Variants in CWF19L2 observed in about 807,000 individuals in gnomAD.
CWF19L2 encodes CWF19 like cell cycle control factor 2.
A neutral mutation model predicts 111.7 loss-of-function variants in CWF19L2; 98 were observed. That is an observed-to-expected ratio of 0.88 (90% CI 0.75 to 1.04). The LOEUF is 1.04. CWF19L2 is among the 50% of genes least tolerant of loss of function. The probability of loss-of-function intolerance (pLI) is 0.00; values close to 1 mark genes in which losing one functional copy is unlikely to be tolerated. For missense variants in CWF19L2, 1,101 were observed against 1,051.4 expected (o/e 1.05, Z -0.65); for synonymous variants, 351 against 342.9 (o/e 1.02, Z -0.26).
intron 3 of CWF19L2, among the ~76,000 whole-genome samples, chr11:107,444,102 T>G (rs1436680372): frequency 6.6e-6 from 1 of 151,982 alleles, no homozygotes; most frequent in Non-Finnish European, 1.5e-5. Context: ...CACCCTTTTT[T>G]TTTTTTTTTT....
chr11:107,396,658 C>T (rs76844404), intron 10 of CWF19L2, among the ~76,000 whole-genome samples: 1,942 of 152,180 alleles, frequency 0.013, 23 homozygotes, highest in South Asian at 0.038. Context: ...TTCAAGAGAC[C>T]GTGGCAGACA....
chr11:107,414,667 C>T (rs1359937160), intron 10 of CWF19L2, among the ~76,000 whole-genome samples: 1 of 152,096 alleles, frequency 6.6e-6, no homozygotes, highest in Admixed American at 6.6e-5. Context: ...CCTATTCTTC[C>T]TTTTTCTTCC....
intron 12 of CWF19L2, among the ~76,000 whole-genome samples, chr11:107,362,817 G>T (rs1000613096): frequency 2.0e-5 from 3 of 151,918 alleles, no homozygotes; most frequent in African/African-American, 7.3e-5. Context: ...AACAAAGCTG[G>T]ATGGAGAATG....
intron 7 of CWF19L2, among the ~76,000 whole-genome samples, chr11:107,432,863 ACAGT>A (rs1436512939): frequency 6.6e-6 from 1 of 152,220 alleles, no homozygotes; most frequent in East Asian, 1.9e-4. Flanking sequence ...TTGGGCATAG[ACAGT>A]CAGCACAGTG....
At chr11:107,394,014 C>T (rs558283676) in intron 10 of CWF19L2, among the ~76,000 whole-genome samples, 4 of 152,154 alleles carry the variant, frequency 2.6e-5, no homozygotes, top group African/African-American at 7.2e-5. Context: ...TATGCAACCC[C>T]TGAATCTATT....
Position 107,457,708 on chromosome 11 carries a change from G to T in CWF19L2, c.105+4C>A, listed in dbSNP as rs1421628895. ...TAACTACAAAAGCCCCAAAACAGAGGTACCTGGCGCAACACCTCGGCCCTG... is the reference window on the plus strand; with the variant it reads ...TAACTACAAAAGCCCCAAAACAGAGTTACCTGGCGCAACACCTCGGCCCTG... On this transcript the variant is annotated splice_donor_region_variant and intron_variant, in intron 1 of 17. Coordinates refer to ENST00000282251, the MANE Select transcript of CWF19L2 (RefSeq NM_152434.3). 4 of 1,548,096 alleles carry T rather than the reference G, an allele frequency of 2.6e-6. No homozygotes were observed. The highest frequency in any genetic ancestry group is 1.7e-4 in the Middle Eastern group (1 of 5,988).
chr11:107,346,406 A>G (rs1021448023), intron 14 of CWF19L2, among the ~76,000 whole-genome samples: 4 of 152,186 alleles, frequency 2.6e-5, no homozygotes, highest in African/African-American at 7.2e-5. Flanking sequence ...AGAAAACACA[A>G]TGACAAATCA....
rs1341957647 is a variant in CWF19L2, at chr11:107,329,968, A to G, written c.2491T>C (p.Phe831Leu). ...TGCTGATCTTCAATGACATGGGCAAACCCTCCGTGAAGGCCAAAATCCACA... is the reference window on the plus strand; with the variant it reads ...TGCTGATCTTCAATGACATGGGCAAGCCCTCCGTGAAGGCCAAAATCCACA... ...FSVDFGLHGG[F>L]AHVIEDQHKF... The change falls in exon 17 of 18, where the codon TTT (phenylalanine) becomes CTT (leucine). Residue 831 changes from phenylalanine (F) to leucine (L), a missense_variant. Transcript: ENST00000282251. The G allele has an allele frequency of 1.3e-6, 2 of 1,591,640 alleles. No individual in the cohort carries two copies. Among genetic ancestry groups the G allele is most frequent in the East Asian group, 2.3e-5 (1 of 44,138 alleles).
At chr11:107,373,701 A>C (rs1185625379) in intron 12 of CWF19L2, among the ~76,000 whole-genome samples, 3 of 132,970 alleles carry the variant, frequency 2.3e-5, no homozygotes, top group African/African-American at 9.0e-5. Context: ...GAAACTCTAA[A>C]AAGCAGAGCG....
At chr11:107,351,838 G>C (rs559766043) in intron 13 of CWF19L2, among the ~76,000 whole-genome samples, 1 of 152,270 alleles carries the variant, frequency 6.6e-6, no homozygotes, top group South Asian at 2.1e-4. Flanking sequence ...AATTCTGTTG[G>C]AACAAGCCTA....
At chr11:107,452,382 G>GA (rs899549739) in intron 3 of CWF19L2, among the ~76,000 whole-genome samples, 4 of 150,554 alleles carry the variant, frequency 2.7e-5, no homozygotes, top group Admixed American at 1.3e-4. Flanking sequence ...AGCACTTCCA[G>GA]AAAACAAAAT....
At chr11:107,404,047 C>G in intron 10 of CWF19L2, 1 of 769,932 alleles carries the variant, frequency 1.3e-6, no homozygotes, top group Admixed American at 1.7e-5. Context: ...AACCCATCAT[C>G]ATAATCATCT....
At chr11:107,412,018 T>C (rs1276447267) in intron 10 of CWF19L2, among the ~76,000 whole-genome samples, 2 of 152,142 alleles carry the variant, frequency 1.3e-5, no homozygotes, top group Non-Finnish European at 2.9e-5. Context: ...ACTACAGTTG[T>C]CTGAAATGAA....
At chr11:107,387,561 A>G (rs1332271129) in intron 12 of CWF19L2, among the ~76,000 whole-genome samples, 1 of 151,976 alleles carries the variant, frequency 6.6e-6, no homozygotes, top group East Asian at 1.9e-4. Context: ...GCAGTCCCCA[A>G]CCTTTTTGGC....
chr11:107,399,776 C>A (rs1010580343), intron 10 of CWF19L2, among the ~76,000 whole-genome samples: 1 of 152,144 alleles, frequency 6.6e-6, no homozygotes, highest in Non-Finnish European at 1.5e-5. Context: ...TTCTATTCAA[C>A]AGCACATGGA....
intron 15 of CWF19L2, among the ~76,000 whole-genome samples, chr11:107,336,095 C>T (rs1394328729): frequency 6.6e-6 from 1 of 152,052 alleles, no homozygotes; most frequent in East Asian, 2.0e-4. Context: ...GTGGTGCATG[C>T]CTGTAGTCCC....
At chr11:107,376,387 C>A (rs1320376764) in intron 12 of CWF19L2, among the ~76,000 whole-genome samples, 2 of 97,098 alleles carry the variant, frequency 2.1e-5, no homozygotes, top group South Asian at 2.9e-4. Flanking sequence ...CAAAACGAAT[C>A]CAGCAGCACA....
At chr11:107,434,008 G>A (rs1167653903) in intron 6 of CWF19L2, among the ~76,000 whole-genome samples, 1 of 149,442 alleles carries the variant, frequency 6.7e-6, no homozygotes, top group African/African-American at 2.5e-5. Context: ...CAATCTAAGA[G>A]AATAAGAATA....
chr11:107,445,195 T>C (rs549267241), intron 3 of CWF19L2, among the ~76,000 whole-genome samples: 2 of 152,254 alleles, frequency 1.3e-5, no homozygotes, highest in South Asian at 4.1e-4. Context: ...TACATCTATA[T>C]GTCTTATGAG....
Sources: allele counts gnomAD v4.1 joint callset (sites outside exome capture counted in the v4.1 genomes callset), GRCh38; gene constraint gnomAD v4.1.1; transcripts MANE v1.5; gene names NCBI Gene and HGNC (gene_info 2026-07-23, HGNC 2026-07-21).